The following STX1B variants were observed in gnomAD, a reference collection of about 807,000 sequenced individuals.
The protein encoded by STX1B is syntaxin 1B, also known as syntaxin-1B.
Under a neutral mutation model 39.4 loss-of-function variants are expected in STX1B, and 7 were observed. The observed-to-expected ratio is 0.18, with a 90% CI of 0.10 to 0.33. STX1B has a LOEUF of 0.33. Among genes scored for constraint, STX1B ranks in the 10% least tolerant of loss-of-function variants. STX1B has a pLI of 1.00. For synonymous variants in STX1B, 136 were observed against 144.1 expected, an observed-to-expected ratio of 0.94 and a Z score of 0.40; for missense variants, 198 against 383.2, an observed-to-expected ratio of 0.52 and a Z score of 4.04.
intron 1 of STX1B, among the ~76,000 whole-genome samples, chr16:31,007,656 T>TC (rs2056661366): frequency 6.6e-6 from 1 of 151,974 alleles, no homozygotes; most frequent in Non-Finnish European, 1.5e-5. Context: ...ACAAGTCAGG[T>TC]TTTTTTTACC....
At chr16:31,006,865 A>C (rs2056657443) in intron 1 of STX1B, among the ~76,000 whole-genome samples, 1 of 152,184 alleles carries the variant, frequency 6.6e-6, no homozygotes, top group Admixed American at 6.6e-5. Context: ...CTGGAATACC[A>C]GCACTTTGGG....
chr16:31,005,310 C>CCTAGT (rs2056649503), intron 1 of STX1B, among the ~76,000 whole-genome samples: 1 of 152,110 alleles, frequency 6.6e-6, no homozygotes, highest in South Asian at 2.1e-4. Flanking sequence ...AAAAGATGAT[C>CCTAGT]AAATGTGCCC....
At chr16:31,006,612 T>TG (rs1195167381) in intron 1 of STX1B, among the ~76,000 whole-genome samples, 3 of 151,840 alleles carry the variant, frequency 2.0e-5, no homozygotes, top group South Asian at 4.2e-4. Flanking sequence ...ACATGGGAAT[T>TG]GGGGGGGATT....
Position 31,001,624 on chromosome 16 carries a change from G to C in STX1B, c.31-21C>G. 6.2e-7 allele frequency: 1 copy of C among 1,607,482 alleles called. No individual in the cohort carries two copies. Among genetic ancestry groups the C allele is most frequent in the African/African-American group, 1.3e-5 (1 of 74,980 alleles). On this transcript the variant is annotated intron_variant, in intron 1 of 9. Coordinates refer to ENST00000215095, the MANE Select transcript of STX1B (RefSeq NM_052874.5). This position sits in a 1 kb window ranked among gnomAD's most constrained non-coding sequence, Gnocchi z 5.5. ...TTCGCCTGGGGACAAGGAAGGCTGA[G>C]TCCATGAGCAGGCCCTACCTGGGTC...
rs776086857 is a variant in STX1B at position 31,001,751 on chromosome 16, C to G, written c.31-148G>C. On this transcript the variant is annotated intron_variant, in intron 1 of 9. Coordinates refer to ENST00000215095, the MANE Select transcript of STX1B (RefSeq NM_052874.5). The surrounding 1 kb of genome is among the most constrained non-coding windows in gnomAD (Gnocchi z 5.5). Reference sequence around the variant, plus strand: ...GAGGGGTCCTGGGAGGGGTCCCATGCAGGGTAGATGGCAAAGGCACCAAAA... The same window carrying G: ...GAGGGGTCCTGGGAGGGGTCCCATGGAGGGTAGATGGCAAAGGCACCAAAA... 8.8e-5 allele frequency: 54 copies of G among 616,290 alleles called. No homozygotes were observed. Among genetic ancestry groups the G allele is most frequent in the Non-Finnish European group, 1.5e-4 (52 of 354,940 alleles). 38.2% of individuals were successfully genotyped at this position (616,290 alleles called of 1,614,324 possible).
chr16:31,001,646 G>C lies in STX1B; in HGVS notation c.31-43C>G. ...TGAGTCCATGAGCAGGCCCTACCTG[G>C]GTCCCCAAGGCTGGCTCTCCAGCTC... On this transcript the variant is annotated intron_variant, in intron 1 of 9. Transcript: ENST00000215095. This position sits in a 1 kb window ranked among gnomAD's most constrained non-coding sequence, Gnocchi z 5.5. 6.5e-7 allele frequency: 1 copy of C among 1,544,282 alleles called. No homozygotes were observed. The highest frequency in any genetic ancestry group is 8.9e-7 in the Non-Finnish European group (1 of 1,125,312).
chr16:31,010,382 A>T lies in STX1B; in HGVS notation c.15T>A (p.Thr5=). 1 of 1,432,382 alleles carries T rather than the reference A, an allele frequency of 7.0e-7. No homozygotes were observed. The highest frequency in any genetic ancestry group is 9.5e-7 in the Non-Finnish European group (1 of 1,055,236). The allele number at this position is 1,432,382 out of a possible 1,614,324, so 88.7% of individuals were successfully genotyped here. ...CCAAGCTCACACTCCGCAGCTCTTG[A>T]GTCCGATCCTTCATCCTGCGACGGC... MKDR[T]QELRSAKDSD... Residue 5 remains threonine (T), a synonymous_variant, in exon 1 of 10, where the codon ACT becomes ACA. Transcript: ENST00000215095.
At chr16:31,006,302 G>A (rs2056654949) in intron 1 of STX1B, among the ~76,000 whole-genome samples, 1 of 152,030 alleles carries the variant, frequency 6.6e-6, no homozygotes, top group Non-Finnish European at 1.5e-5. Context: ...CTCCCCCTGA[G>A]CAGCCTGGCC....
intron 1 of STX1B, among the ~76,000 whole-genome samples, chr16:31,002,589 C>G (rs1404906876): frequency 6.6e-6 from 1 of 152,210 alleles, no homozygotes; most frequent in Non-Finnish European, 1.5e-5. Flanking sequence ...TCCAGCTTCT[C>G]CGAGCCTCAT....
chr16:31,002,434 C>T (rs1031747227), intron 1 of STX1B, among the ~76,000 whole-genome samples: 13 of 147,598 alleles, frequency 8.8e-5, no homozygotes, highest in African/African-American at 2.7e-4. Flanking sequence ...CAGGAATAGG[C>T]CCCCCCGACA....
At position 30,992,711 on chromosome 16, in the gene STX1B, G is replaced by A. The variant is rs1485717378; in HGVS notation, c.*110C>T. ...CTGCCGTGGGGGTGGGGCTGCCTGG[G>A]TCTGTTTTGGGAGTGAGCCTGGAGC... On this transcript the variant is annotated 3_prime_UTR_variant, in exon 10 of 10. Transcript: ENST00000215095. The A allele has an allele frequency of 2.0e-5, 14 of 712,326 alleles. No individual in the cohort carries two copies. The highest frequency in any genetic ancestry group is 3.2e-5 in the Non-Finnish European group (13 of 412,052). The allele number at this position is 712,326 out of a possible 1,614,324, so 44.1% of individuals were successfully genotyped here.
At chr16:31,004,474 G>C (rs1361201783) in intron 1 of STX1B, among the ~76,000 whole-genome samples, 1 of 152,106 alleles carries the variant, frequency 6.6e-6, no homozygotes, top group African/African-American at 2.4e-5. Flanking sequence ...AGGAGTTCAA[G>C]ACCAGCCTGG....
Position 30,990,136 on chromosome 16 carries a change from G to T in STX1B, c.*2685C>A, listed in dbSNP as rs770444800. ...CTGTGGGCCCAATGCCACTCCAGGT[G>T]GGGGGAGTGGTGCCCCAGCCACGCT... On this transcript the variant is annotated 3_prime_UTR_variant, in exon 10 of 10. Transcript: ENST00000215095. 1.3e-5 allele frequency: 2 copies of T among 152,234 alleles called. No homozygotes were observed. Among genetic ancestry groups the T allele is most frequent in the African/African-American group, 2.4e-5 (1 of 41,550 alleles). The allele number at this position is 152,234 out of a possible 1,614,324, so 9.4% of individuals were successfully genotyped here.
chr16:30,993,191 T>C lies in STX1B; in HGVS notation c.725A>G (p.Tyr242Cys). Residue 242 changes from tyrosine to cysteine, a missense_variant, in exon 9 of 10, where the codon TAC becomes TGC. Tyr to Cys is a radical substitution (Grantham distance 194). Transcript: ENST00000215095. ...GGTGTCAGACACAGCTCGCTCCACG[T>C]AGTCCACAGAATGTTCCACGTTGTA... ...IEYNVEHSVD[Y>C]VERAVSDTKK... 1 of 1,614,196 alleles carries C rather than the reference T, an allele frequency of 6.2e-7. No homozygotes were observed. The highest frequency in any genetic ancestry group is 8.5e-7 in the Non-Finnish European group (1 of 1,180,034).
At position 30,992,556 on chromosome 16, in the gene STX1B, G is replaced by T. The variant is rs2056565304; in HGVS notation, c.*265C>A. 2.2e-6 allele frequency: 1 copy of T among 452,672 alleles called. No homozygotes were observed. Among genetic ancestry groups the T allele is most frequent in the Non-Finnish European group, 4.0e-6 (1 of 248,984 alleles). 28.0% of individuals were successfully genotyped at this position (452,672 alleles called of 1,614,324 possible). ...ACATCACACGCACACGCACGCTGGG[G>T]TGTCCACACGTCTCGAGCATGTGCC... On this transcript the variant is annotated 3_prime_UTR_variant, in exon 10 of 10. Coordinates refer to ENST00000215095, the MANE Select transcript of STX1B (RefSeq NM_052874.5).
chr16:31,007,394 A>C (rs975831094), intron 1 of STX1B, among the ~76,000 whole-genome samples: 2 of 151,872 alleles, frequency 1.3e-5, no homozygotes, highest in African/African-American at 2.4e-5. Flanking sequence ...TGCGTCTCAG[A>C]CCTCAGCCCT....
chr16:30,998,452 G>C (rs1255168904), intron 4 of STX1B, among the ~76,000 whole-genome samples: 1 of 152,220 alleles, frequency 6.6e-6, no homozygotes, highest in Admixed American at 6.5e-5. Context: ...CATGGCCCAG[G>C]GATATTGGAA....
rs2056555515 is a variant in STX1B at position 30,991,204 on chromosome 16, T to C, written c.*1617A>G. On this transcript the variant is annotated 3_prime_UTR_variant, in exon 10 of 10. Coordinates refer to ENST00000215095, the MANE Select transcript of STX1B (RefSeq NM_052874.5). ...ATCCCCGCACCCATGCCAGCGTGCA[T>C]GGTTTGTGCCTGGTATGGCCCCTGC... The C allele has an allele frequency of 6.5e-6, 1 of 152,704 alleles. No individual in the cohort carries two copies. Among genetic ancestry groups the C allele is most frequent in the African/African-American group, 2.4e-5 (1 of 41,452 alleles). The allele number at this position is 152,704 out of a possible 1,614,324, so 9.5% of individuals were successfully genotyped here. A position where few individuals can be genotyped will look rare whatever the true frequency, so the allele number is the denominator to read the frequency against.
chr16:30,993,244 C>T lies in STX1B; in HGVS notation c.676-4G>A. 1 of 1,613,868 alleles carries T rather than the reference C, an allele frequency of 6.2e-7. No individual in the cohort carries two copies. Among genetic ancestry groups the T allele is most frequent in the Non-Finnish European group, 8.5e-7 (1 of 1,179,720 alleles). ...CGATGCGGTCAATCATCTCTCCCTG[C>T]AGACAGAGGAGACATGCACAGGGAG... On this transcript the variant is annotated splice_region_variant and splice_polypyrimidine_tract_variant and intron_variant, in intron 8 of 9. Transcript: ENST00000215095.
Sources: allele counts gnomAD v4.1 joint callset (sites outside exome capture counted in the v4.1 genomes callset), GRCh38; gene constraint gnomAD v4.1.1; non-coding constraint Gnocchi (gnomAD v3.1); transcripts MANE v1.5; gene names NCBI Gene and HGNC (gene_info 2026-07-23, HGNC 2026-07-21).